Variants in COX6C observed in about 807,000 individuals in gnomAD.
The protein encoded by COX6C is cytochrome c oxidase subunit 6C.
Under a neutral mutation model 6.9 loss-of-function variants are expected in COX6C, and 3 were observed. The observed-to-expected ratio is 0.43, with a 90% CI of 0.20 to 1.12. The LOEUF (loss-of-function observed/expected upper bound fraction) is 1.12, where lower values mean the gene tolerates loss of function less well. Among genes scored for constraint, COX6C ranks in the 50% most tolerant of loss-of-function variants. COX6C has a pLI of 0.27. For missense variants in COX6C, 101 were observed against 97.3 expected (o/e 1.04, Z -0.16); for synonymous variants, 32 against 32.0 (o/e 1.00, Z 0.00).
intron 2 of COX6C, among the ~76,000 whole-genome samples, chr8:99,890,529 A>G (rs935033511): frequency 6.6e-6 from 1 of 152,248 alleles, no homozygotes. Context: ...CTCTTATTCA[A>G]CAGGTCCTTT....
At chr8:99,892,235 T>TA (rs1412835851) in intron 1 of COX6C, among the ~76,000 whole-genome samples, 183 bp from the exon 2 acceptor site, 3 of 152,196 alleles carry the variant, frequency 2.0e-5, no homozygotes, top group Non-Finnish European at 2.9e-5. Context: ...AGGCTGGTCT[T>TA]AAACTCCTGC....
Position 99,883,795 on chromosome 8 carries a change from C to T in COX6C, c.*15+3695G>A, listed in dbSNP as rs149405321. 4.6e-5 allele frequency among the ~76,000 whole-genome samples: 7 copies of T among 152,176 alleles called. No homozygotes were observed. In the East Asian group the frequency reaches 7.7e-4, roughly 17 times the overall value. The stretch of plus-strand genomic sequence containing the variant: ...AACACTAGCAAACCAGATTTGACAT[C>T]GCATTAAAAGAATCATGTACTATGA... On this transcript the variant is annotated intron_variant, in intron 3 of 3. Coordinates refer to ENST00000520468, the MANE Select transcript of COX6C (RefSeq NM_004374.4).
intron 2 of COX6C, 129 bp downstream of exon 2, chr8:99,891,779 C>T (rs928540185): frequency 2.6e-6 from 2 of 778,780 alleles, no homozygotes; most frequent in African/African-American, 3.5e-5. Flanking sequence ...GCTATAGTTC[C>T]TGTCACACTG....
At chr8:99,880,808 A>G (rs1485357216) in intron 3 of COX6C, among the ~76,000 whole-genome samples, 2 of 152,186 alleles carry the variant, frequency 1.3e-5, no homozygotes, top group African/African-American at 4.8e-5. Flanking sequence ...CGAGTCCCAG[A>G]AGAGAAAAAG....
intron 3 of COX6C, chr8:99,886,274 C>T (rs1817941419): frequency 6.6e-6 from 1 of 152,212 alleles, no homozygotes; most frequent in Admixed American, 6.6e-5. Flanking sequence ...CCTATAGTGC[C>T]AGCTTCTTGG....
At chr8:99,879,888 G>C (rs111320394) in intron 3 of COX6C, among the ~76,000 whole-genome samples, 4,683 of 152,260 alleles carry the variant, frequency 0.031, 95 homozygotes, top group Non-Finnish European at 0.041. Flanking sequence ...TGGGTACCAT[G>C]GCATGAGTGA....
In COX6C at chr8:99,887,483, A is replaced by C. The variant is rs779728073; in HGVS notation, c.*15+7T>G. On this transcript the variant is annotated splice_region_variant and intron_variant, in intron 3 of 3. Transcript: ENST00000520468. ...TTTTTTTAAGTAACTTCAAATAACC[A>C]TATTACCTTTATATTCCAAGATTAC... 1 of 1,513,424 alleles carries C rather than the reference A, an allele frequency of 6.6e-7. No homozygotes were observed. Among genetic ancestry groups the C allele is most frequent in the Admixed American group, 2.2e-5 (1 of 46,294 alleles). 93.7% of individuals were successfully genotyped at this position (1,513,424 alleles called of 1,614,324 possible).
intron 3 of COX6C, among the ~76,000 whole-genome samples, chr8:99,880,684 T>C (rs954140098): frequency 4.0e-5 from 6 of 151,558 alleles, no homozygotes; most frequent in Non-Finnish European, 5.9e-5. Flanking sequence ...CCAGGCAACA[T>C]GGTGAGACCC....
intron 2 of COX6C, 129 bp from the exon 3 acceptor site, chr8:99,887,747 A>C (rs1817966467): frequency 3.5e-6 from 2 of 575,718 alleles, no homozygotes; most frequent in Non-Finnish European, 5.7e-6. Flanking sequence ...TACATTTCCT[A>C]AGGGGTGGAG....
intron 1 of COX6C, among the ~76,000 whole-genome samples, chr8:99,892,455 G>A (rs1279673398): frequency 1.3e-5 from 2 of 152,168 alleles, no homozygotes; most frequent in East Asian, 3.8e-4. Context: ...CGGCACTGAA[G>A]TCCAATACTC....
rs1817778192 is a variant in COX6C at position 99,878,066 on chromosome 8, AAC to A, written c.*213_*214del. ...ACACGGAAATCAAGTTAGCTTCATA[AAC>A]AGTTAAATCCCAAACCAATTCTTAT... On this transcript the variant is annotated 3_prime_UTR_variant, in exon 4 of 4. Transcript: ENST00000520468. The A allele has an allele frequency of 6.6e-6, 1 of 152,226 alleles. No homozygotes were observed. The highest frequency in any genetic ancestry group is 2.4e-5 in the African/African-American group (1 of 41,454). The allele number at this position is 152,226 out of a possible 1,614,324, so 9.4% of individuals were successfully genotyped here. A position where few individuals can be genotyped will look rare whatever the true frequency, so the allele number is the denominator to read the frequency against.
In COX6C at chr8:99,888,709, C is replaced by T. The variant is rs547658049; in HGVS notation, c.115-1091G>A. On this transcript the variant is annotated intron_variant, in intron 2 of 3. Coordinates refer to ENST00000520468, the MANE Select transcript of COX6C (RefSeq NM_004374.4). The stretch of plus-strand genomic sequence containing the variant: ...ACAGCCAAGGGTCCTAGCAAAAACC[C>T]ACCTTCAAGCCTAAAACAGCCTGAA... 2.8e-4 allele frequency among the ~76,000 whole-genome samples: 42 copies of T among 152,336 alleles called. No individual in the cohort carries two copies. The South Asian group carries it at 8.1e-3, about 29-fold the overall frequency.
intron 3 of COX6C, among the ~76,000 whole-genome samples, chr8:99,882,907 C>T (rs994561109): frequency 5.3e-5 from 8 of 152,214 alleles, no homozygotes; most frequent in Admixed American, 5.2e-4. Context: ...AGGTAATCTT[C>T]CCAGGTAGCT....
At chr8:99,885,742 T>G (rs376787893) in intron 3 of COX6C, among the ~76,000 whole-genome samples, 7 of 152,316 alleles carry the variant, frequency 4.6e-5, no homozygotes, top group African/African-American at 1.7e-4. Flanking sequence ...AATGATTTAT[T>G]GAATATGACA....
intron 3 of COX6C, among the ~76,000 whole-genome samples, chr8:99,883,467 A>ATTT (rs1420791344): frequency 7.0e-5 from 10 of 143,826 alleles, no homozygotes; most frequent in Non-Finnish European, 1.3e-4. Flanking sequence ...ATATATATAT[A>ATTT]TATATTTTTT....
At chr8:99,890,842 G>A (rs1214139969) in intron 2 of COX6C, among the ~76,000 whole-genome samples, 1 of 152,188 alleles carries the variant, frequency 6.6e-6, no homozygotes, top group African/African-American at 2.4e-5. Context: ...GCAATTCTGT[G>A]ACAATTACTC....
chr8:99,881,997 G>T (rs1563526669), intron 3 of COX6C, among the ~76,000 whole-genome samples: 2 of 152,096 alleles, frequency 1.3e-5, no homozygotes, highest in Admixed American at 6.5e-5. Context: ...AGACAAAAAA[G>T]AACATTCTAT....
intron 3 of COX6C, among the ~76,000 whole-genome samples, chr8:99,881,424 A>T (rs1817863104): frequency 6.6e-6 from 1 of 152,202 alleles, no homozygotes; most frequent in South Asian, 2.1e-4. Flanking sequence ...TTTAAAAGAC[A>T]AAAGCATAAG....
chr8:99,882,977 G>A (rs781428019), intron 3 of COX6C, among the ~76,000 whole-genome samples: 7 of 152,094 alleles, frequency 4.6e-5, no homozygotes, highest in Middle Eastern at 3.4e-3. Context: ...TTGTAGAGAC[G>A]GGGTTTCGCC....
Sources: gnomAD v4.1 joint callset for allele counts (sites outside exome capture counted in the v4.1 genomes callset) on GRCh38, gnomAD v4.1.1 for gene constraint, MANE v1.5 for transcripts, NCBI Gene and HGNC (gene_info 2026-07-23, HGNC 2026-07-21) for gene names.